The following PTPRE variants were observed in gnomAD, a reference collection of about 807,000 sequenced individuals.
PTPRE encodes receptor-type tyrosine-protein phosphatase epsilon.
Under a neutral mutation model 102.0 loss-of-function variants are expected in PTPRE, and 51 were observed. The ratio of observed to expected loss-of-function variants is 0.50; its 90% CI spans 0.40 to 0.63. The LOEUF is 0.63. PTPRE is among the 30% of genes least tolerant of loss of function. The probability of loss-of-function intolerance (pLI) is 0.00; values close to 1 mark genes in which losing one functional copy is unlikely to be tolerated. For synonymous variants in PTPRE, 345 were observed against 348.2 expected (o/e 0.99, Z 0.10); for missense variants, 752 against 915.1 (o/e 0.82, Z 2.30).
chr10:127,935,648 C>G (rs1463813702), intron 1 of PTPRE, among the ~76,000 whole-genome samples: 2 of 152,124 alleles, frequency 1.3e-5, no homozygotes, highest in African/African-American at 2.4e-5. Flanking sequence ...GCGGAGTACC[C>G]TGGCTTGATG....
intron 2 of PTPRE, among the ~76,000 whole-genome samples, chr10:128,001,140 A>G (rs182513602): frequency 2.0e-5 from 3 of 152,308 alleles, no homozygotes; most frequent in South Asian, 2.1e-4. Context: ...AAGGGCTTCC[A>G]TTACCTTCTA....
chr10:128,074,494 C>T (rs907076990), intron 17 of PTPRE, among the ~76,000 whole-genome samples: 7 of 152,148 alleles, frequency 4.6e-5, no homozygotes, highest in African/African-American at 9.7e-5. Context: ...GGCAAAACCC[C>T]GCTTCTACTA....
chr10:127,916,270 C>G (rs1564793962), intron 1 of PTPRE, among the ~76,000 whole-genome samples: 3 of 152,068 alleles, frequency 2.0e-5, no homozygotes, highest in Admixed American at 6.6e-5. Flanking sequence ...GGTGGTTTCC[C>G]CCATGCTGTT....
intron 12 of PTPRE, 116 bp downstream of exon 12, chr10:128,068,402 C>A: frequency 8.4e-7 from 1 of 1,191,116 alleles, no homozygotes; most frequent in Non-Finnish European, 1.2e-6. Flanking sequence ...TTGGGCAGGG[C>A]TGATGTGAAC....
At chr10:128,006,289 A>T in intron 2 of PTPRE, among the ~76,000 whole-genome samples, 1 of 152,206 alleles carries the variant, frequency 6.6e-6, no homozygotes, top group East Asian at 1.9e-4. Context: ...TGGCATTGGC[A>T]CCATCAGGGT....
chr10:127,932,310 C>T (rs1052394251), intron 1 of PTPRE, among the ~76,000 whole-genome samples: 2 of 152,140 alleles, frequency 1.3e-5, no homozygotes, highest in Non-Finnish European at 1.5e-5. Flanking sequence ...TTAGCTTTAT[C>T]GATAAATGGA....
intron 11 of PTPRE, among the ~76,000 whole-genome samples, chr10:128,066,868 A>G (rs941495229): frequency 6.6e-6 from 1 of 152,148 alleles, no homozygotes; most frequent in African/African-American, 2.4e-5. Context: ...AGAAATGTGC[A>G]CACAGGCGCA....
intron 4 of PTPRE, 27 bp downstream of exon 4, chr10:128,047,516 GC>G: frequency 6.2e-7 from 1 of 1,612,836 alleles, no homozygotes; most frequent in Non-Finnish European, 8.5e-7. Context: ...GCACTGACTT[GC>G]CCCAACCAGC....
chr10:128,017,258 CG>C (rs1845509366), intron 2 of PTPRE, among the ~76,000 whole-genome samples: 1 of 151,948 alleles, frequency 6.6e-6, no homozygotes, highest in Non-Finnish European at 1.5e-5. Context: ...AAGAGTTTGG[CG>C]GGGCAAGTGG....
intron 1 of PTPRE, among the ~76,000 whole-genome samples, chr10:127,967,553 G>A (rs1437505949): frequency 6.6e-6 from 1 of 152,202 alleles, no homozygotes; most frequent in Non-Finnish European, 1.5e-5. Context: ...GGCCTTCCCA[G>A]CCATGTGGAA....
chr10:128,054,378 G>A (rs1003201769), intron 6 of PTPRE, among the ~76,000 whole-genome samples: 5 of 152,010 alleles, frequency 3.3e-5, no homozygotes, highest in Admixed American at 2.6e-4. Context: ...AAGCTTTTGC[G>A]GGTAGAAAAA....
intron 2 of PTPRE, among the ~76,000 whole-genome samples, chr10:128,006,918 G>A (rs1457685420): frequency 1.3e-5 from 2 of 152,086 alleles, no homozygotes; most frequent in Non-Finnish European, 2.9e-5. Flanking sequence ...GCTCAAAAAC[G>A]ACACCAGAGT....
intron 1 of PTPRE, among the ~76,000 whole-genome samples, chr10:127,947,371 C>G (rs1310935037): frequency 1.3e-5 from 2 of 152,206 alleles, no homozygotes; most frequent in Non-Finnish European, 2.9e-5. Context: ...CCCTGATTGT[C>G]TTCTTCAACT....
At chr10:127,990,919 G>C (rs2135505789) in intron 2 of PTPRE, among the ~76,000 whole-genome samples, 1 of 152,238 alleles carries the variant, frequency 6.6e-6, no homozygotes, top group East Asian at 1.9e-4. Context: ...AGAATCCGTG[G>C]GCTTTGATTT....
chr10:128,062,100 C>T (rs61875295), intron 9 of PTPRE, among the ~76,000 whole-genome samples: 8,268 of 152,290 alleles, frequency 0.054, 306 homozygotes, highest in East Asian at 0.14. Flanking sequence ...GCTGTGAAAA[C>T]GTGCCCTTCA....
chr10:127,922,174 C>G (rs570178031), intron 1 of PTPRE, among the ~76,000 whole-genome samples: 129 of 152,306 alleles, frequency 8.5e-4, no homozygotes, highest in Non-Finnish European at 1.1e-3. Context: ...TCCCAGCAGC[C>G]CTGAAGCCAC....
intron 2 of PTPRE, among the ~76,000 whole-genome samples, chr10:128,025,549 C>T (rs113429335): frequency 4.6e-5 from 7 of 152,302 alleles, no homozygotes; most frequent in East Asian, 1.9e-4. Flanking sequence ...TAGGCCTGGG[C>T]GTCAGAGCCG....
intron 2 of PTPRE, among the ~76,000 whole-genome samples, chr10:128,009,425 T>C (rs1466650803): frequency 6.6e-6 from 1 of 152,190 alleles, no homozygotes; most frequent in Admixed American, 6.5e-5. Flanking sequence ...CGGGGAGAGC[T>C]GAAGGGTGCG....
intron 2 of PTPRE, among the ~76,000 whole-genome samples, chr10:128,022,456 T>C (rs1489877131): frequency 6.6e-6 from 1 of 152,246 alleles, no homozygotes; most frequent in Admixed American, 6.5e-5. Flanking sequence ...AGGAGTTGCC[T>C]GGCAGCTTTG....
Sources: gnomAD v4.1 joint callset for allele counts (sites outside exome capture counted in the v4.1 genomes callset) on GRCh38, gnomAD v4.1.1 for gene constraint, MANE v1.5 for transcripts, NCBI Gene and HGNC (gene_info 2026-07-23, HGNC 2026-07-21) for gene names.